SLC16A10: variants seen among roughly 807,000 people sequenced by gnomAD.
SLC16A10 encodes the protein monocarboxylate transporter 10.
A neutral mutation model predicts 40.0 loss-of-function variants in SLC16A10; 27 were observed. That is an observed-to-expected ratio of 0.67 (90% CI 0.50 to 0.93). The LOEUF is 0.93. Ranked by LOEUF, SLC16A10 falls within the 40% of genes least tolerant of loss-of-function variation. The probability of loss-of-function intolerance (pLI) is 0.00; values close to 1 mark genes in which losing one functional copy is unlikely to be tolerated. For synonymous variants in SLC16A10, 213 were observed against 249.8 expected (o/e 0.85, Z 1.39); for missense variants, 529 against 658.2 (o/e 0.80, Z 2.15).
Position 111,088,108 on chromosome 6 carries a change from G to A in SLC16A10, c.343+13G>A, listed in dbSNP as rs1337434010. 6.3e-7 allele frequency: 1 copy of A among 1,588,224 alleles called. No individual in the cohort carries two copies. Among genetic ancestry groups the A allele is most frequent in the Admixed American group, 1.8e-5 (1 of 56,380 alleles). ...GTCTTTAAGACAGGTGAGGCGCGGCGCCCGCCGAGGCCAGCCTGGGCGACC... is the reference window on the plus strand; with the variant it reads ...GTCTTTAAGACAGGTGAGGCGCGGCACCCGCCGAGGCCAGCCTGGGCGACC... On this transcript the variant is annotated intron_variant, in intron 1 of 5. Coordinates refer to ENST00000368851, the MANE Select transcript of SLC16A10 (RefSeq NM_018593.5).
At chr6:111,188,281 C>G (rs925939691) in intron 3 of SLC16A10, among the ~76,000 whole-genome samples, 3 of 150,702 alleles carry the variant, frequency 2.0e-5, no homozygotes, top group Admixed American at 6.6e-5. Flanking sequence ...CTCTCTCCCT[C>G]CCTTCCTTCT....
Position 111,161,410 on chromosome 6 carries a change from G to A in SLC16A10, c.344-11285G>A, listed in dbSNP as rs183703416. Among the ~76,000 whole-genome samples the A allele has an allele frequency of 1.3e-3, 193 of 151,902 alleles. 2 individuals are homozygous for A. The highest frequency in any genetic ancestry group is 3.4e-4 in the African/African-American group (14 of 41,434). Reference sequence around the variant, plus strand: ...GAAGGTCAGGTTTCACCAGGGACCCGTTCCTACACCCCTATCTGCCTAGGC... The same window carrying A: ...GAAGGTCAGGTTTCACCAGGGACCCATTCCTACACCCCTATCTGCCTAGGC... On this transcript the variant is annotated intron_variant, in intron 1 of 5. Coordinates refer to ENST00000368851, the MANE Select transcript of SLC16A10 (RefSeq NM_018593.5).
At chr6:111,105,976 A>G (rs1771278026) in intron 1 of SLC16A10, among the ~76,000 whole-genome samples, 1 of 152,204 alleles carries the variant, frequency 6.6e-6, no homozygotes, top group African/African-American at 2.4e-5. Context: ...TTCATCTTTT[A>G]ATATCATTTG....
At chr6:111,124,914 T>C (rs996504874) in intron 1 of SLC16A10, among the ~76,000 whole-genome samples, 4 of 152,186 alleles carry the variant, frequency 2.6e-5, no homozygotes, top group African/African-American at 9.7e-5. Flanking sequence ...GTCAGTTAAT[T>C]GTACATTTTC....
At chr6:111,105,834 C>T (rs1174881769) in intron 1 of SLC16A10, among the ~76,000 whole-genome samples, 1 of 152,094 alleles carries the variant, frequency 6.6e-6, no homozygotes, top group African/African-American at 2.4e-5. Flanking sequence ...GCTGAAGGTG[C>T]TGGAAGTGCA....
chr6:111,222,153 T>C lies in SLC16A10; in HGVS notation c.1466T>C (p.Met489Thr). 1.2e-6 allele frequency: 2 copies of C among 1,607,040 alleles called. No individual in the cohort carries two copies. The highest frequency in any genetic ancestry group is 8.5e-7 in the Non-Finnish European group (1 of 1,178,266). ...AGTAAAACCACTGGAAAAGAAAAGA[T>C]GGAGAAAATGTTGGAAAACCAGAAC... The part of the protein sequence containing the change: ...EISKTTGKEK[M>T]EKMLENQNSL... The change falls in exon 6 of 6, where the codon ATG becomes ACG. Residue 489 changes from methionine (M) to threonine (T), a missense_variant. Met to Thr is a moderately conservative substitution (Grantham distance 81, BLOSUM62 -1). Coordinates refer to ENST00000368851, the MANE Select transcript of SLC16A10 (RefSeq NM_018593.5).
At chr6:111,174,972 A>G (rs1162710574) in intron 2 of SLC16A10, among the ~76,000 whole-genome samples, 3 of 152,154 alleles carry the variant, frequency 2.0e-5, no homozygotes, top group African/African-American at 7.2e-5. Flanking sequence ...ACTACATGTA[A>G]TATTCTCATA....
chr6:111,193,038 A>T (rs1773022262), intron 3 of SLC16A10, among the ~76,000 whole-genome samples: 1 of 151,926 alleles, frequency 6.6e-6, no homozygotes, highest in African/African-American at 2.4e-5. Flanking sequence ...CTTTTTTTTG[A>T]GATGAAGTCT....
chr6:111,177,072 T>C (rs74995516), intron 2 of SLC16A10, 140 bp from the exon 3 acceptor site: 2 of 166,894 alleles, frequency 1.2e-5, no homozygotes, highest in East Asian at 2.7e-4. Flanking sequence ...TTTTGGTTAA[T>C]TTTTTTTTTT....
In SLC16A10 at chr6:111,222,626, A is replaced by C. The variant is rs1427803061; in HGVS notation, c.*391A>C. The C allele has an allele frequency of 5.4e-6, 1 of 184,868 alleles. No homozygotes were observed. Among genetic ancestry groups the C allele is most frequent in the Admixed American group, 6.5e-5 (1 of 15,492 alleles). The allele number at this position is 184,868 out of a possible 1,614,324, so 11.5% of individuals were successfully genotyped here. On this transcript the variant is annotated 3_prime_UTR_variant, in exon 6 of 6. Transcript: ENST00000368851. ...TATTTTGTTTGTTAATGATGTCTTC[A>C]GTTCTGGTACCTCTGTTTTACTTTC...
intron 1 of SLC16A10, among the ~76,000 whole-genome samples, chr6:111,103,547 G>A (rs932408008): frequency 4.6e-5 from 7 of 152,134 alleles, no homozygotes; most frequent in Admixed American, 4.6e-4. Context: ...CACAAAATAT[G>A]TACTGAGAGC....
intron 1 of SLC16A10, among the ~76,000 whole-genome samples, chr6:111,159,564 G>C (rs1317881814): frequency 6.6e-6 from 1 of 151,498 alleles, no homozygotes; most frequent in Non-Finnish European, 1.5e-5. Flanking sequence ...CTGTTTTTTT[G>C]ACTATTAGAA....
At chr6:111,210,480 T>G (rs888470306) in intron 4 of SLC16A10, among the ~76,000 whole-genome samples, 1 of 152,238 alleles carries the variant, frequency 6.6e-6, no homozygotes, top group Admixed American at 6.5e-5. Flanking sequence ...GGACATTTAT[T>G]GCACTACAGA....
chr6:111,196,272 A>C (rs1472126090), intron 3 of SLC16A10, among the ~76,000 whole-genome samples: 1 of 152,212 alleles, frequency 6.6e-6, no homozygotes, highest in Non-Finnish European at 1.5e-5. Context: ...CGTGAAGCAG[A>C]GGTTGCAGTT....
intron 4 of SLC16A10, among the ~76,000 whole-genome samples, chr6:111,214,716 T>A (rs926678694): frequency 2.0e-5 from 3 of 152,118 alleles, no homozygotes; most frequent in African/African-American, 4.8e-5. Context: ...AATGAAAAAA[T>A]TTTACATTTA....
At chr6:111,207,423 A>G (rs1773272899) in intron 4 of SLC16A10, among the ~76,000 whole-genome samples, 1 of 152,198 alleles carries the variant, frequency 6.6e-6, no homozygotes, top group South Asian at 2.1e-4. Flanking sequence ...GGTGAGCATA[A>G]ACAAATGCTA....
At chr6:111,200,425 G>T (rs1773149754) in intron 3 of SLC16A10, among the ~76,000 whole-genome samples, 2 of 152,140 alleles carry the variant, frequency 1.3e-5, no homozygotes, top group Non-Finnish European at 2.9e-5. Flanking sequence ...TTAATTTTAT[G>T]TACTCAAGTC....
intron 1 of SLC16A10, among the ~76,000 whole-genome samples, chr6:111,132,993 C>T (rs1232720473): frequency 1.3e-5 from 2 of 152,220 alleles, no homozygotes; most frequent in Non-Finnish European, 2.9e-5. Flanking sequence ...AGGTTACCTA[C>T]ACCCTCTCTG....
intron 3 of SLC16A10, among the ~76,000 whole-genome samples, chr6:111,200,703 T>G (rs578247960): frequency 6.6e-6 from 1 of 152,366 alleles, no homozygotes; most frequent in East Asian, 1.9e-4. Context: ...GATTATCCAT[T>G]AACCCACGCT....
Sources: gnomAD v4.1 joint callset for allele counts (sites outside exome capture counted in the v4.1 genomes callset) on GRCh38, gnomAD v4.1.1 for gene constraint, MANE v1.5 for transcripts, NCBI Gene and HGNC (gene_info 2026-07-23, HGNC 2026-07-21) for gene names.